Variants in DLG2 observed in about 807,000 individuals in gnomAD.
DLG2 encodes the protein disks large homolog 2.
DLG2 carries 45 observed loss-of-function variants against 132.5 expected under a neutral mutation model. The ratio of observed to expected loss-of-function variants is 0.34; its 90% CI spans 0.27 to 0.44. DLG2 has a LOEUF of 0.44. Among genes scored for constraint, DLG2 ranks in the 20% least tolerant of loss-of-function variants. DLG2 has a pLI of 1.00. For missense variants in DLG2, 1,045 were observed against 1,196.9 expected, an observed-to-expected ratio of 0.87 and a Z score of 1.87; for synonymous variants, 424 against 419.6, an observed-to-expected ratio of 1.01 and a Z score of -0.13.
At chr11:83,776,812 T>A (rs1450743444) in intron 18 of DLG2, among the ~76,000 whole-genome samples, 1 of 152,226 alleles carries the variant, frequency 6.6e-6, no homozygotes, top group Non-Finnish European at 1.5e-5. Flanking sequence ...ACCCTTCAGA[T>A]TAAAGAAAGT....
At chr11:83,590,966 C>T (rs1376765161) in intron 19 of DLG2, among the ~76,000 whole-genome samples, 4 of 151,756 alleles carry the variant, frequency 2.6e-5, no homozygotes, top group Non-Finnish European at 5.9e-5. Flanking sequence ...CTGAATAGAC[C>T]AATAACAGGA....
At chr11:83,709,591 G>A (rs1453069680) in intron 18 of DLG2, among the ~76,000 whole-genome samples, 2 of 152,070 alleles carry the variant, frequency 1.3e-5, no homozygotes, top group Non-Finnish European at 2.9e-5. Flanking sequence ...CTTAGTGGCT[G>A]AGTGGCAAGT....
chr11:84,782,680 T>C lies in DLG2; in HGVS notation c.358-247949A>G, dbSNP rs143312121. Among the ~76,000 whole-genome samples the C allele has an allele frequency of 9.8e-4, 149 of 152,290 alleles. No individual in the cohort carries two copies. The Middle Eastern group carries it at 0.01, about 10-fold the overall frequency. ...TCTCTCTGAATCTCAGGTTTCTCAC[T>C]GTTTGTGAAATATCTATTACATGGA... On this transcript the variant is annotated intron_variant, in intron 6 of 27. Coordinates refer to ENST00000376104, the MANE Select transcript of DLG2 (RefSeq NM_001142699.3).
At chr11:84,580,199 A>T (rs912497518) in intron 6 of DLG2, among the ~76,000 whole-genome samples, 3 of 152,236 alleles carry the variant, frequency 2.0e-5, no homozygotes, top group African/African-American at 7.2e-5. Context: ...GTTTGCAGTA[A>T]TATGCTGTGG....
At chr11:83,663,868 C>T (rs1218613123) in intron 18 of DLG2, among the ~76,000 whole-genome samples, 1 of 152,196 alleles carries the variant, frequency 6.6e-6, no homozygotes, top group Non-Finnish European at 1.5e-5. Flanking sequence ...CCATCCATCC[C>T]TACATTCCAA....
chr11:84,138,948 C>CA (rs5793107), intron 9 of DLG2, among the ~76,000 whole-genome samples: 1,957 of 91,878 alleles, frequency 0.021, 47 homozygotes, highest in African/African-American at 0.067. Context: ...GACTCCATCT[C>CA]AAAAAAAAAA....
At chr11:85,478,132 C>G (rs1423595464) in intron 3 of DLG2, among the ~76,000 whole-genome samples, 2 of 151,916 alleles carry the variant, frequency 1.3e-5, no homozygotes, top group Non-Finnish European at 2.9e-5. Flanking sequence ...CTCAGCTTCC[C>G]AAGGAACTAA....
At chr11:84,179,716 T>C (rs12799958) in intron 8 of DLG2, among the ~76,000 whole-genome samples, 9,716 of 152,124 alleles carry the variant, frequency 0.064, 387 homozygotes, top group African/African-American at 0.097. Flanking sequence ...TCAGGAGAAA[T>C]TATTTTACCA....
intron 6 of DLG2, among the ~76,000 whole-genome samples, chr11:84,925,291 G>A (rs899982644): frequency 1.3e-5 from 2 of 152,172 alleles, no homozygotes; most frequent in Admixed American, 1.3e-4. Context: ...CAAGTTACAG[G>A]TGAAGAAGTA....
At chr11:83,973,166 TA>T (rs1260352719) in intron 12 of DLG2, among the ~76,000 whole-genome samples, 7 of 152,236 alleles carry the variant, frequency 4.6e-5, no homozygotes, top group Admixed American at 3.3e-4. Context: ...TTTTAAAATG[TA>T]AACAATATAT....
At chr11:85,063,396 T>C (rs1304760759) in intron 6 of DLG2, among the ~76,000 whole-genome samples, 1 of 151,868 alleles carries the variant, frequency 6.6e-6, no homozygotes, top group Non-Finnish European at 1.5e-5. Flanking sequence ...TTACAAAAGA[T>C]GTACTTTTTT....
At position 83,771,455 on chromosome 11, in the gene DLG2, G is replaced by A. The variant is rs181075929; in HGVS notation, c.1825+15235C>T. Among the ~76,000 whole-genome samples the A allele has an allele frequency of 1.2e-3, 187 of 152,168 alleles. 1 individual carries two copies. Among genetic ancestry groups the A allele is most frequent in the Non-Finnish European group, 2.2e-3 (150 of 67,996 alleles). ...TGGTGATTATGTCTTTTGGTGTCAC[G>A]GGAACATCTCAGAGTGCACTTACAT... On this transcript the variant is annotated intron_variant, in intron 18 of 27. Coordinates refer to ENST00000376104, the MANE Select transcript of DLG2 (RefSeq NM_001142699.3).
At chr11:84,935,749 C>G (rs4944504) in intron 6 of DLG2, among the ~76,000 whole-genome samples, 55,440 of 152,016 alleles carry the variant, frequency 0.36, 10,807 homozygotes, top group East Asian at 0.67. Flanking sequence ...CAGCCCAAAA[C>G]GTCACTAATG....
intron 3 of DLG2, among the ~76,000 whole-genome samples, chr11:85,316,381 C>G (rs150410517): frequency 0.018 from 2,734 of 152,016 alleles, 49 homozygotes; most frequent in Admixed American, 0.036. Flanking sequence ...ATGAGATGGA[C>G]AGAAAGACAA....
At chr11:84,794,505 C>T (rs1455777442) in intron 6 of DLG2, among the ~76,000 whole-genome samples, 2 of 152,192 alleles carry the variant, frequency 1.3e-5, no homozygotes, top group African/African-American at 4.8e-5. Context: ...AGCAATGGTT[C>T]AACACCTGGG....
At chr11:85,126,140 G>A (rs2075083425) in intron 5 of DLG2, among the ~76,000 whole-genome samples, 1 of 152,222 alleles carries the variant, frequency 6.6e-6, no homozygotes, top group South Asian at 2.1e-4. Context: ...CGGGAAGCCA[G>A]CAAGGCCAAT....
rs1370616899 is a variant in DLG2, at chr11:84,812,148, C to T, written c.358-277417G>A. On this transcript the variant is annotated intron_variant, in intron 6 of 27. Transcript: ENST00000376104. Reference sequence around the variant, plus strand: ...TATGATCCAGCATTATCCAGCAGCACCTCAAATATTTATTAAATTAAGTTG... The same window carrying T: ...TATGATCCAGCATTATCCAGCAGCATCTCAAATATTTATTAAATTAAGTTG... 4.6e-5 allele frequency among the ~76,000 whole-genome samples: 7 copies of T among 152,196 alleles called. No homozygotes were observed. The East Asian group carries it at 1.2e-3, about 25-fold the overall frequency.
rs561390266 is a variant in DLG2 at position 85,199,278 on chromosome 11, G to T, written c.187-44627C>A. 5.3e-5 allele frequency among the ~76,000 whole-genome samples: 8 copies of T among 152,250 alleles called. No individual in the cohort carries two copies. The South Asian group carries it at 1.5e-3, about 28-fold the overall frequency. ...ATGAACCTCAAAATCATTATATTGA[G>T]CAAGATAAGACTGACACCAATGCAC... On this transcript the variant is annotated intron_variant, in intron 4 of 27. Coordinates refer to ENST00000376104, the MANE Select transcript of DLG2 (RefSeq NM_001142699.3).
intron 15 of DLG2, among the ~76,000 whole-genome samples, chr11:83,888,180 T>C (rs1209210408): frequency 2.0e-5 from 3 of 151,776 alleles, no homozygotes; most frequent in East Asian, 3.9e-4. Context: ...GCAGACGACA[T>C]GATTGTATAT....
Sources: gnomAD v4.1 joint callset for allele counts (sites outside exome capture counted in the v4.1 genomes callset) on GRCh38, gnomAD v4.1.1 for gene constraint, MANE v1.5 for transcripts, NCBI Gene and HGNC (gene_info 2026-07-23, HGNC 2026-07-21) for gene names.